Variants in DRC12 observed in about 807,000 individuals in gnomAD.
DRC12 encodes dynein regulatory complex protein 12.
the DRC12 span, chr11:119,195,023 T>A: frequency 8.8e-5 from 135 of 1,527,392 alleles, 1 homozygote; most frequent in East Asian, 1.4e-3. Context: ...GAGCCTCAGC[T>A]CTTCATGATC....
chr11:119,193,248 G>T, the DRC12 span: 1 of 1,613,736 alleles, frequency 6.2e-7, no homozygotes, highest in Non-Finnish European at 8.5e-7. Context: ...TCATCTCTGG[G>T]GTGGGGGCAG....
At chr11:119,193,030 GA>G in the DRC12 span, 1 of 858,174 alleles carries the variant, frequency 1.2e-6, no homozygotes, top group South Asian at 1.4e-5. Context: ...CGAAAGTGGG[GA>G]AAGTGATCCA....
chr11:119,191,364 G>A, the DRC12 span, among the ~76,000 whole-genome samples: 1 of 151,622 alleles, frequency 6.6e-6, no homozygotes, highest in African/African-American at 2.4e-5. Context: ...TCCCAAAGTG[G>A]TGGGATTACA....
the DRC12 span, chr11:119,195,503 G>T: frequency 6.5e-7 from 1 of 1,544,158 alleles, no homozygotes; most frequent in African/African-American, 1.4e-5. Context: ...TGCTGTCCTG[G>T]GAGAAGGAGG....
the DRC12 span, chr11:119,190,313 G>T: frequency 6.2e-7 from 1 of 1,614,158 alleles, no homozygotes; most frequent in Admixed American, 1.7e-5. The surrounding 1 kb of genome is among the most constrained non-coding windows in gnomAD (Gnocchi z 4.2). Flanking sequence ...GAGACTAGGG[G>T]CTGGTGGCCT....
chr11:119,193,327 ACT>A, the DRC12 span: 1 of 1,187,926 alleles, frequency 8.4e-7, no homozygotes, highest in Non-Finnish European at 1.2e-6. Flanking sequence ...GGTGGGGAAG[ACT>A]CTACTTGGTC....
the DRC12 span, chr11:119,193,039 C>T: frequency 2.1e-6 from 2 of 931,600 alleles, no homozygotes; most frequent in Non-Finnish European, 3.5e-6. Flanking sequence ...GGAAAGTGAT[C>T]CAAGAGCCCA....
chr11:119,193,512 G>T, the DRC12 span: 1 of 1,287,816 alleles, frequency 7.8e-7, no homozygotes, highest in Non-Finnish European at 1.0e-6. Context: ...TGATGGCTAT[G>T]ACTGCATGTG....
chr11:119,191,961 T>C, the DRC12 span, among the ~76,000 whole-genome samples: 5,359 of 148,134 alleles, frequency 0.036, 214 homozygotes, highest in Admixed American at 0.13. Flanking sequence ...TGGCCATCTA[T>C]AGCTAAACCG....
At chr11:119,195,387 G>T in the DRC12 span, 1 of 1,535,058 alleles carries the variant, frequency 6.5e-7, no homozygotes, top group Non-Finnish European at 8.8e-7. Context: ...GGCAGAACAT[G>T]GAGAAGCAGG....
chr11:119,191,876 T>C, the DRC12 span, among the ~76,000 whole-genome samples: 1 of 151,750 alleles, frequency 6.6e-6, no homozygotes, highest in East Asian at 1.9e-4. Context: ...ATTGAGTCAT[T>C]GATTGACTTG....
chr11:119,193,862 G>C, the DRC12 span: 1 of 1,551,434 alleles, frequency 6.4e-7, no homozygotes, highest in Non-Finnish European at 8.7e-7. Context: ...GCCTTGGCTC[G>C]ACGGGCTTCA....
At chr11:119,193,857 G>C in the DRC12 span, 2 of 1,551,522 alleles carry the variant, frequency 1.3e-6, no homozygotes, top group Admixed American at 2.0e-5. Context: ...CGGAAGCCTT[G>C]GCTCGACGGG....
chr11:119,195,413 C>T, the DRC12 span: 2 of 1,550,826 alleles, frequency 1.3e-6, no homozygotes, highest in Admixed American at 3.9e-5. Flanking sequence ...CCTCCACCCA[C>T]CATGACTCAC....
chr11:119,195,289 G>A, the DRC12 span: 1 of 789,870 alleles, frequency 1.3e-6, no homozygotes, highest in Non-Finnish European at 2.0e-6. Flanking sequence ...ATCTGGCTGT[G>A]AGGACATGAA....
chr11:119,192,085 C>T, the DRC12 span, among the ~76,000 whole-genome samples: 2 of 151,760 alleles, frequency 1.3e-5, no homozygotes, highest in Admixed American at 6.6e-5. Flanking sequence ...AAGTGATTCT[C>T]CTGACTCAGC....
chr11:119,193,792 C>T, the DRC12 span: 1,099 of 1,551,676 alleles, frequency 7.1e-4, 6 homozygotes, highest in Middle Eastern at 4.2e-3. Context: ...CCCTTCACTT[C>T]GGGCCCCTTC....
the DRC12 span, among the ~76,000 whole-genome samples, chr11:119,191,279 T>C: frequency 4.6e-5 from 7 of 151,776 alleles, no homozygotes; most frequent in African/African-American, 1.7e-4. Context: ...TTCGAATTTT[T>C]AGTAGAGATG....
At chr11:119,193,747 T>C in the DRC12 span, 3 of 1,551,314 alleles carry the variant, frequency 1.9e-6, no homozygotes, top group Non-Finnish European at 2.6e-6. Flanking sequence ...CCTGCCCACC[T>C]GCTTAACCGA....
Sources: allele counts gnomAD v4.1 joint callset (sites outside exome capture counted in the v4.1 genomes callset), GRCh38; gene constraint gnomAD v4.1.1; non-coding constraint Gnocchi (gnomAD v3.1); transcripts MANE v1.5; gene names NCBI Gene and HGNC (gene_info 2026-07-23, HGNC 2026-07-21).